The following NRXN1 variants were observed in gnomAD, a reference collection of about 807,000 sequenced individuals.
The protein encoded by NRXN1 is neurexin 1, also known as neurexin-1.
A neutral mutation model predicts 150.9 loss-of-function variants in NRXN1; 39 were observed. The ratio of observed to expected loss-of-function variants is 0.26; its 90% CI spans 0.20 to 0.34. The LOEUF is 0.34. NRXN1 is among the 10% of genes least tolerant of loss of function. The pLI is 1.00. For missense variants in NRXN1, 1,815 were observed against 1,949.9 expected (o/e 0.93, Z 1.30); for synonymous variants, 924 against 757.0 (o/e 1.22, Z -3.62).
At chr2:50,501,388 T>TGG (rs1265294376) in intron 13 of NRXN1, among the ~76,000 whole-genome samples, 21 of 119,458 alleles carry the variant, frequency 1.8e-4, no homozygotes, top group Non-Finnish European at 2.7e-4. Context: ...CTCGTGTATG[T>TGG]GTGTGTGTGT....
At chr2:50,239,704 A>G (rs1481270830) in intron 17 of NRXN1, among the ~76,000 whole-genome samples, 2 of 109,082 alleles carry the variant, frequency 1.8e-5, no homozygotes, top group Non-Finnish European at 3.8e-5. Flanking sequence ...ATATATATAT[A>G]TATATATATA....
chr2:50,431,853 C>A (rs968427147), intron 17 of NRXN1, among the ~76,000 whole-genome samples: 1 of 151,796 alleles, frequency 6.6e-6, no homozygotes, highest in Non-Finnish European at 1.5e-5. Context: ...CTTTTTAAAC[C>A]TTCTCCCTCA....
chr2:50,961,631 A>G lies in NRXN1; in HGVS notation c.773-35676T>C, dbSNP rs1403933974. ...GGCTATAATATGATTCATTTGAATT[A>G]AGCTAAGCTATTTGGAGAAAAATCA... On this transcript the variant is annotated intron_variant, in intron 2 of 22. Coordinates refer to ENST00000401669, the MANE Select transcript of NRXN1 (RefSeq NM_001330078.2). Among the ~76,000 whole-genome samples the G allele has an allele frequency of 2.0e-5, 3 of 151,968 alleles. 1 individual carries two copies. In the East Asian group the frequency reaches 5.8e-4, roughly 29 times the overall value.
intron 5 of NRXN1, among the ~76,000 whole-genome samples, chr2:50,702,656 G>T (rs187955187): frequency 1.1e-4 from 17 of 152,114 alleles, no homozygotes; most frequent in African/African-American, 3.9e-4. Context: ...CTTAGCCAAA[G>T]AAATCATACA....
intron 5 of NRXN1, among the ~76,000 whole-genome samples, chr2:50,645,502 C>T (rs1366791407): frequency 1.3e-5 from 2 of 151,894 alleles, no homozygotes; most frequent in Non-Finnish European, 2.9e-5. Context: ...CTACATCTCC[C>T]ATGAAAACGT....
intron 17 of NRXN1, among the ~76,000 whole-genome samples, chr2:50,425,135 C>A (rs1355577621): frequency 1.3e-5 from 2 of 152,178 alleles, no homozygotes; most frequent in Non-Finnish European, 2.9e-5. Context: ...GAGCATGCAA[C>A]TGACTCCTGA....
At chr2:50,200,289 T>C (rs11886248) in intron 18 of NRXN1, among the ~76,000 whole-genome samples, 3,016 of 152,244 alleles carry the variant, frequency 0.02, 94 homozygotes, top group African/African-American at 0.069. Flanking sequence ...AATAACTACC[T>C]GCAAACTTAG....
intron 17 of NRXN1, among the ~76,000 whole-genome samples, chr2:50,294,768 G>A (rs1011496871): frequency 5.3e-5 from 8 of 152,156 alleles, no homozygotes; most frequent in African/African-American, 1.9e-4. Flanking sequence ...CTGGCCAAAG[G>A]TGCATCATCA....
intron 2 of NRXN1, among the ~76,000 whole-genome samples, chr2:51,009,014 C>A (rs181876561): frequency 5.9e-5 from 9 of 151,792 alleles, no homozygotes. Context: ...AAAATTAGAA[C>A]CCAGCAATGT....
intron 18 of NRXN1, among the ~76,000 whole-genome samples, chr2:50,212,390 C>G (rs1374439118): frequency 6.6e-6 from 1 of 151,044 alleles, no homozygotes; most frequent in Admixed American, 6.6e-5. Context: ...ATTCCCTCTT[C>G]ACCTATATGG....
At chr2:50,310,815 G>A (rs371408631) in intron 17 of NRXN1, among the ~76,000 whole-genome samples, 22 of 152,206 alleles carry the variant, frequency 1.4e-4, no homozygotes, top group Non-Finnish European at 2.9e-4. Context: ...TCGTGAAGAC[G>A]AGATTAACAC....
intron 21 of NRXN1, among the ~76,000 whole-genome samples, chr2:50,019,613 G>A: frequency 1.0e-5 from 1 of 99,342 alleles, no homozygotes; most frequent in African/African-American, 4.1e-5. Flanking sequence ...TTGCACTCCA[G>A]CCTGTAAGAA....
At chr2:50,483,038 G>C (rs2090590988) in intron 15 of NRXN1, among the ~76,000 whole-genome samples, 1 of 111,892 alleles carries the variant, frequency 8.9e-6, no homozygotes, top group South Asian at 3.4e-4. Flanking sequence ...GCGACAGGGA[G>C]AGACTCCGTG....
intron 17 of NRXN1, among the ~76,000 whole-genome samples, chr2:50,442,677 A>G (rs769194532): frequency 2.6e-5 from 4 of 152,162 alleles, no homozygotes; most frequent in Non-Finnish European, 5.9e-5. Flanking sequence ...AGTTACTGGC[A>G]TAATGATAGT....
chr2:50,982,644 A>G (rs1471553587), intron 2 of NRXN1, among the ~76,000 whole-genome samples: 1 of 152,136 alleles, frequency 6.6e-6, no homozygotes, highest in African/African-American at 2.4e-5. Flanking sequence ...ACCATTTGGC[A>G]TAGCACCTAA....
intron 5 of NRXN1, among the ~76,000 whole-genome samples, chr2:50,822,451 G>A (rs753797556): frequency 4.5e-4 from 68 of 152,040 alleles, no homozygotes; most frequent in Non-Finnish European, 8.4e-4. Flanking sequence ...ATATTTTTCT[G>A]CAGAAAATAC....
At position 50,186,136 on chromosome 2, in the gene NRXN1, C is replaced by G. The variant is rs113236148; in HGVS notation, c.3546+50653G>C. 7.7e-3 allele frequency among the ~76,000 whole-genome samples: 1,176 copies of G among 152,162 alleles called. 15 individuals are homozygous for G. The highest frequency in any genetic ancestry group is 0.027 in the African/African-American group (1,114 of 41,562). The stretch of plus-strand genomic sequence containing the variant: ...CATTTTCCATGATTTGAATGGGCCA[C>G]TTCAATGAACAGAACAAATAAAATG... On this transcript the variant is annotated intron_variant, in intron 18 of 22. Transcript: ENST00000401669.
At chr2:50,627,177 T>C (rs1430071360) in intron 5 of NRXN1, among the ~76,000 whole-genome samples, 1 of 151,890 alleles carries the variant, frequency 6.6e-6, no homozygotes, top group African/African-American at 2.4e-5. Flanking sequence ...ATAAGTTTCT[T>C]TTGGCATTAT....
At chr2:50,904,376 C>T (rs1273220240) in intron 5 of NRXN1, among the ~76,000 whole-genome samples, 1 of 152,088 alleles carries the variant, frequency 6.6e-6, no homozygotes, top group Non-Finnish European at 1.5e-5. Flanking sequence ...TCTTGAAATC[C>T]CTAAGTATTA....
Sources: allele counts gnomAD v4.1 joint callset (sites outside exome capture counted in the v4.1 genomes callset), GRCh38; gene constraint gnomAD v4.1.1; transcripts MANE v1.5; gene names NCBI Gene and HGNC (gene_info 2026-07-23, HGNC 2026-07-21).